Variants in RARB observed in about 807,000 individuals in gnomAD.
The protein encoded by RARB is HBV-activated protein.
RARB carries 17 observed loss-of-function variants against 51.9 expected under a neutral mutation model. The ratio of observed to expected loss-of-function variants is 0.33; its 90% confidence interval spans 0.22 to 0.49. The LOEUF is 0.49. Ranked by LOEUF, RARB falls within the 20% of genes least tolerant of loss-of-function variation. RARB has a pLI of 0.99. For synonymous variants in RARB, 215 were observed against 195.4 expected (o/e 1.10, Z -0.84); for missense variants, 369 against 550.8 (o/e 0.67, Z 3.30).
At chr3:25,265,128 T>C (rs1202109045) in intron 5 of RARB, among the ~76,000 whole-genome samples, 1 of 152,176 alleles carries the variant, frequency 6.6e-6, no homozygotes, top group Non-Finnish European at 1.5e-5. Flanking sequence ...TGTTTGTAAG[T>C]TACCCAGTTT....
chr3:25,300,002 T>A (rs1178736974), intron 5 of RARB, among the ~76,000 whole-genome samples: 2 of 152,238 alleles, frequency 1.3e-5, no homozygotes, highest in Non-Finnish European at 2.9e-5. Flanking sequence ...TTGATTTTTT[T>A]AATTCATTTG....
At chr3:25,561,399 T>C (rs4681067) in intron 3 of RARB, among the ~76,000 whole-genome samples, 36,258 of 152,096 alleles carry the variant, frequency 0.24, 4,848 homozygotes, top group African/African-American at 0.36. Flanking sequence ...TATTGCTGTG[T>C]AACAAACTAC....
At chr3:24,854,959 G>T (rs1291966694) in intron 1 of RARB, among the ~76,000 whole-genome samples, 2 of 152,122 alleles carry the variant, frequency 1.3e-5, no homozygotes, top group Non-Finnish European at 2.9e-5. Context: ...AGCACTTCTG[G>T]TAATTCTGAT....
chr3:25,219,932 T>A (rs1030498404), intron 5 of RARB, among the ~76,000 whole-genome samples: 3 of 152,216 alleles, frequency 2.0e-5, no homozygotes, highest in Admixed American at 6.5e-5. Flanking sequence ...GTGGCACACA[T>A]ACCTCATTTT....
intron 5 of RARB, among the ~76,000 whole-genome samples, chr3:25,378,445 C>T (rs1706528302): frequency 6.6e-6 from 1 of 152,186 alleles, no homozygotes; most frequent in South Asian, 2.1e-4. Context: ...CATCCTATAC[C>T]CCTACAATGT....
intron 5 of RARB, among the ~76,000 whole-genome samples, chr3:25,229,689 C>A: frequency 6.8e-6 from 1 of 146,336 alleles, no homozygotes; most frequent in African/African-American, 2.5e-5. Flanking sequence ...AGACATCTCC[C>A]CACCCCCACC....
At chr3:25,447,072 A>C (rs1256128860) in intron 1 of RARB, among the ~76,000 whole-genome samples, 1 of 151,992 alleles carries the variant, frequency 6.6e-6, no homozygotes, top group African/African-American at 2.4e-5. Context: ...TTTTGTTAGG[A>C]GGCAGCAAAT....
chr3:25,024,871 T>A (rs1198321205), intron 2 of RARB: 1 of 146,838 alleles, frequency 6.8e-6, no homozygotes, highest in Non-Finnish European at 1.5e-5. Context: ...GAGGATCGCT[T>A]GAACCTGGGA....
intron 4 of RARB, among the ~76,000 whole-genome samples, chr3:25,136,610 T>C (rs545605479): frequency 6.6e-6 from 1 of 151,850 alleles, no homozygotes; most frequent in East Asian, 1.9e-4. Flanking sequence ...CCATAGAAAA[T>C]CACAATAAAA....
At chr3:25,191,281 T>C (rs1289748287) in intron 5 of RARB, among the ~76,000 whole-genome samples, 3 of 152,134 alleles carry the variant, frequency 2.0e-5, no homozygotes, top group Non-Finnish European at 4.4e-5. Context: ...TTATTCCCTT[T>C]TGAATGAAAG....
intron 5 of RARB, among the ~76,000 whole-genome samples, chr3:25,396,832 G>A (rs1464192675): frequency 1.3e-5 from 2 of 152,058 alleles, no homozygotes; most frequent in Admixed American, 1.3e-4. Context: ...AGCAGTGACT[G>A]GCCTTACCCA....
At chr3:25,043,607 G>A (rs62228513) in intron 2 of RARB, among the ~76,000 whole-genome samples, 8,639 of 152,198 alleles carry the variant, frequency 0.057, 323 homozygotes, top group Non-Finnish European at 0.088. Context: ...TGGAGTTCAG[G>A]GAGAGAAAAG....
chr3:25,307,435 C>A (rs906018968), intron 5 of RARB, among the ~76,000 whole-genome samples: 2 of 151,918 alleles, frequency 1.3e-5, no homozygotes, highest in African/African-American at 4.8e-5. Context: ...TTGGCATAGT[C>A]TTGATGTGAT....
intron 5 of RARB, among the ~76,000 whole-genome samples, chr3:25,285,288 T>C (rs1175632649): frequency 1.3e-5 from 2 of 152,232 alleles, no homozygotes; most frequent in African/African-American, 2.4e-5. Context: ...ATTAAGTGAA[T>C]TGGAAAAGGA....
At chr3:25,396,123 A>T (rs1707106391) in intron 5 of RARB, among the ~76,000 whole-genome samples, 1 of 152,064 alleles carries the variant, frequency 6.6e-6, no homozygotes, top group Non-Finnish European at 1.5e-5. Context: ...AGTGACTGTT[A>T]TTTCTCTTCT....
At chr3:24,856,912 A>T (rs966111475) in intron 1 of RARB, among the ~76,000 whole-genome samples, 4 of 152,128 alleles carry the variant, frequency 2.6e-5, no homozygotes, top group African/African-American at 4.8e-5. Flanking sequence ...AGGGGGATGG[A>T]GGAGTGTCAA....
chr3:25,501,101 A>T (rs1315560379), intron 2 of RARB, 81 bp from the exon 3 acceptor site: 2 of 1,464,244 alleles, frequency 1.4e-6, no homozygotes, highest in African/African-American at 2.9e-5. Context: ...AGAGCAATTA[A>T]TGCATTGATA....
intron 2 of RARB, among the ~76,000 whole-genome samples, chr3:24,971,230 A>G (rs541816204): frequency 3.3e-5 from 5 of 152,112 alleles, no homozygotes; most frequent in East Asian, 3.9e-4. Flanking sequence ...AATCTATGAA[A>G]TGGTTACCAT....
At chr3:25,392,164 G>C (rs554094910) in intron 5 of RARB, among the ~76,000 whole-genome samples, 2 of 151,992 alleles carry the variant, frequency 1.3e-5, no homozygotes, top group Admixed American at 1.3e-4. Context: ...TCCCCACTTT[G>C]CTTTTGTTTG....
Sources: allele counts gnomAD v4.1 joint callset (sites outside exome capture counted in the v4.1 genomes callset), GRCh38; gene constraint gnomAD v4.1.1; transcripts MANE v1.5; gene names NCBI Gene and HGNC (gene_info 2026-07-23, HGNC 2026-07-21).